C10orf90: variants seen among roughly 807,000 people sequenced by gnomAD.
C10orf90 encodes the protein chromosome 10 open reading frame 90.
C10orf90 carries 56 observed loss-of-function variants against 62.5 expected under a neutral mutation model. The ratio of observed to expected loss-of-function variants is 0.90; its 90% CI spans 0.72 to 1.12. The LOEUF (loss-of-function observed/expected upper bound fraction) is 1.12, where lower values mean the gene tolerates loss of function less well. Ranked by LOEUF, C10orf90 falls within the 50% of genes most tolerant of loss-of-function variation. The pLI, the probability that C10orf90 is intolerant of heterozygous loss-of-function variation, is 0.00. For synonymous variants in C10orf90, 386 were observed against 340.4 expected (o/e 1.13, Z -1.47); for missense variants, 970 against 880.4 (o/e 1.10, Z -1.29).
At chr10:126,505,455 C>G (rs2133890879) in intron 3 of C10orf90, among the ~76,000 whole-genome samples, 1 of 152,344 alleles carries the variant, frequency 6.6e-6, no homozygotes, top group East Asian at 1.9e-4. Flanking sequence ...AGACAGAATT[C>G]TGGAGGTGGC....
intron 2 of C10orf90, among the ~76,000 whole-genome samples, chr10:126,572,147 G>A (rs747935822): frequency 6.6e-6 from 1 of 152,086 alleles, no homozygotes; most frequent in Non-Finnish European, 1.5e-5. Context: ...ATAGGAGGTC[G>A]GCAGAAGATA....
intron 2 of C10orf90, among the ~76,000 whole-genome samples, chr10:126,583,764 T>A (rs1387438892): frequency 6.6e-6 from 1 of 152,214 alleles, no homozygotes; most frequent in African/African-American, 2.4e-5. Flanking sequence ...GCTGTCCAGC[T>A]GCTCACATTC....
At chr10:126,640,643 G>A (rs1256520273) in intron 2 of C10orf90, among the ~76,000 whole-genome samples, 1 of 152,214 alleles carries the variant, frequency 6.6e-6, no homozygotes, top group East Asian at 1.9e-4. Flanking sequence ...GGGTGGGGCA[G>A]GTTGAATCAA....
intron 2 of C10orf90, among the ~76,000 whole-genome samples, chr10:126,573,408 T>G (rs1045222329): frequency 2.5e-4 from 38 of 152,206 alleles, no homozygotes; most frequent in Non-Finnish European, 4.8e-4. Flanking sequence ...CATTTCTGCC[T>G]TTTAGTTTTT....
At position 126,461,458 on chromosome 10, in the gene C10orf90, G is replaced by A. The variant is rs767461383; in HGVS notation, c.1953C>T (p.Gly651=). 3 of 1,614,198 alleles carry A rather than the reference G, an allele frequency of 1.9e-6. No individual in the cohort carries two copies. The highest frequency in any genetic ancestry group is 2.7e-5 in the African/African-American group (2 of 75,052). Residue 651 remains glycine (G), a synonymous_variant, in exon 6 of 10, where the codon GGC becomes GGT. Transcript: ENST00000488181. ...GAGACTCAGAACAGTCTTCGGACAGGCCAGGGCTCCCTGCTCCATCGCGGG... is the reference window on the plus strand; with the variant it reads ...GAGACTCAGAACAGTCTTCGGACAGACCAGGGCTCCCTGCTCCATCGCGGG... ...PAPRDGAGSP[G]LSEDCSESQQ...
At chr10:126,543,059 C>T (rs1864413921) in intron 2 of C10orf90, among the ~76,000 whole-genome samples, 1 of 152,182 alleles carries the variant, frequency 6.6e-6, no homozygotes, top group Non-Finnish European at 1.5e-5. Flanking sequence ...TCTAATTTCC[C>T]TTGAAAATTC....
intron 2 of C10orf90, among the ~76,000 whole-genome samples, chr10:126,565,003 T>A (rs180885267): frequency 1.4e-4 from 2 of 14,566 alleles, no homozygotes; most frequent in Non-Finnish European, 2.7e-4. Flanking sequence ...ATATTATATA[T>A]AATATATATA....
intron 3 of C10orf90, among the ~76,000 whole-genome samples, chr10:126,509,275 C>T (rs1862952445): frequency 6.6e-6 from 1 of 152,152 alleles, no homozygotes; most frequent in African/African-American, 2.4e-5. Context: ...CTGACGAATG[C>T]CCAGTTCCAA....
intron 2 of C10orf90, among the ~76,000 whole-genome samples, chr10:126,605,597 A>G (rs1162430671): frequency 2.6e-5 from 4 of 152,194 alleles, no homozygotes; most frequent in Admixed American, 1.3e-4. Context: ...CTAGCTCTGC[A>G]GAGAATGTGG....
intron 2 of C10orf90, among the ~76,000 whole-genome samples, chr10:126,530,914 C>T (rs1260123678): frequency 1.3e-5 from 2 of 152,134 alleles, no homozygotes; most frequent in East Asian, 3.9e-4. Flanking sequence ...TGGCTCACGC[C>T]TGTAATCCCA....
intron 2 of C10orf90, among the ~76,000 whole-genome samples, chr10:126,571,733 C>A (rs545239170): frequency 6.6e-6 from 1 of 152,246 alleles, no homozygotes; most frequent in South Asian, 2.1e-4. Context: ...CACCCTTCAG[C>A]AAGGTGACAG....
chr10:126,636,730 T>C (rs1845958957), intron 2 of C10orf90, among the ~76,000 whole-genome samples: 1 of 152,262 alleles, frequency 6.6e-6, no homozygotes, highest in African/African-American at 2.4e-5. Flanking sequence ...TTTGTTTATA[T>C]GCTTTTTTCT....
At chr10:126,460,942 GA>G in intron 6 of C10orf90, among the ~76,000 whole-genome samples, 1 of 152,062 alleles carries the variant, frequency 6.6e-6, no homozygotes, top group Non-Finnish European at 1.5e-5. Context: ...AAACAATTGG[GA>G]AAAGATGCCA....
intron 8 of C10orf90, 43 bp from the exon 9 acceptor site, chr10:126,426,133 C>T (rs781551425): frequency 3.6e-5 from 54 of 1,507,554 alleles, no homozygotes; most frequent in Middle Eastern, 1.7e-4. Context: ...AGCTTGACAG[C>T]GTGCTCCCGC....
intron 2 of C10orf90, among the ~76,000 whole-genome samples, chr10:126,517,730 C>T (rs370622341): frequency 3.8e-4 from 57 of 151,920 alleles, no homozygotes; most frequent in African/African-American, 1.2e-3. Context: ...GCCAACATGG[C>T]GAAACCCCGT....
chr10:126,493,364 CTT>C (rs375605068), intron 4 of C10orf90, among the ~76,000 whole-genome samples: 38 of 141,882 alleles, frequency 2.7e-4, no homozygotes, highest in Non-Finnish European at 2.6e-4. Flanking sequence ...ACATGTTTTC[CTT>C]TTTTTTTTTT....
At chr10:126,664,406 T>C (rs1046784274) in intron 1 of C10orf90, among the ~76,000 whole-genome samples, 1 of 152,150 alleles carries the variant, frequency 6.6e-6, no homozygotes, top group Non-Finnish European at 1.5e-5. Flanking sequence ...TAACCCTTTA[T>C]ATAGGTTATC....
intron 2 of C10orf90, among the ~76,000 whole-genome samples, chr10:126,634,531 A>C (rs904856732): frequency 9.9e-5 from 15 of 152,202 alleles, no homozygotes; most frequent in Admixed American, 9.8e-4. Flanking sequence ...TCAGCTCTAG[A>C]GATCCACTAT....
At chr10:126,549,420 C>T (rs930921641) in intron 2 of C10orf90, among the ~76,000 whole-genome samples, 14 of 152,122 alleles carry the variant, frequency 9.2e-5, no homozygotes, top group African/African-American at 3.4e-4. Flanking sequence ...GATGTCCAGC[C>T]TCATTAGCCA....
Sources: gnomAD v4.1 joint callset for allele counts (sites outside exome capture counted in the v4.1 genomes callset) on GRCh38, gnomAD v4.1.1 for gene constraint, MANE v1.5 for transcripts, NCBI Gene and HGNC (gene_info 2026-07-23, HGNC 2026-07-21) for gene names.